Variants in SPMIP2 observed in about 807,000 individuals in gnomAD.
SPMIP2 encodes the protein sperm microtubule inner protein 2.
the SPMIP2 span, among the ~76,000 whole-genome samples, chr4:158,953,874 T>C: frequency 6.6e-6 from 1 of 152,244 alleles, no homozygotes; most frequent in Non-Finnish European, 1.5e-5. Context: ...CTCTTCGTTT[T>C]GGCCAATTTC....
the SPMIP2 span, among the ~76,000 whole-genome samples, chr4:159,054,891 A>G: frequency 1.5e-5 from 2 of 130,016 alleles, no homozygotes; most frequent in African/African-American, 5.8e-5. Flanking sequence ...CTCTGCTCCC[A>G]CTGGAGTCAG....
the SPMIP2 span, among the ~76,000 whole-genome samples, chr4:159,022,076 GGTGATA>G: frequency 6.6e-6 from 1 of 152,168 alleles, no homozygotes; most frequent in African/African-American, 2.4e-5. Context: ...AAAAGAGGGT[GGTGATA>G]GCTACTTAGC....
chr4:158,914,589 C>T, the SPMIP2 span, among the ~76,000 whole-genome samples: 2 of 152,146 alleles, frequency 1.3e-5, no homozygotes, highest in African/African-American at 4.8e-5. Context: ...AGACAGAAAG[C>T]TATTATTGGC....
At chr4:158,958,461 G>A in the SPMIP2 span, among the ~76,000 whole-genome samples, 1 of 152,166 alleles carries the variant, frequency 6.6e-6, no homozygotes, top group Non-Finnish European at 1.5e-5. Flanking sequence ...AAGCCATGTT[G>A]TTGCTTCAAT....
chr4:158,913,787 T>C, the SPMIP2 span, among the ~76,000 whole-genome samples: 1 of 151,472 alleles, frequency 6.6e-6, no homozygotes, highest in African/African-American at 2.4e-5. Flanking sequence ...GCACTATGGT[T>C]GTGCCCATGA....
At chr4:158,942,984 A>T in the SPMIP2 span, among the ~76,000 whole-genome samples, 1 of 152,220 alleles carries the variant, frequency 6.6e-6, no homozygotes, top group Non-Finnish European at 1.5e-5. Flanking sequence ...TTGATGGAAT[A>T]AAAAACATTA....
At chr4:158,953,499 C>G in the SPMIP2 span, among the ~76,000 whole-genome samples, 1 of 152,238 alleles carries the variant, frequency 6.6e-6, no homozygotes, top group Non-Finnish European at 1.5e-5. Context: ...TGGAGAAACT[C>G]TATTGGAGCA....
chr4:158,939,865 T>TA, the SPMIP2 span, among the ~76,000 whole-genome samples: 1 of 152,104 alleles, frequency 6.6e-6, no homozygotes, highest in African/African-American at 2.4e-5. Context: ...AAGGATCCTT[T>TA]ATTCTATAAA....
chr4:158,998,131 C>T, the SPMIP2 span, among the ~76,000 whole-genome samples: 1 of 152,188 alleles, frequency 6.6e-6, no homozygotes, highest in Non-Finnish European at 1.5e-5. Context: ...TCTAATAAAA[C>T]AGAATTTATG....
At chr4:159,007,602 A>C in the SPMIP2 span, 1 of 1,091,894 alleles carries the variant, frequency 9.2e-7, no homozygotes, top group Non-Finnish European at 1.4e-6. Context: ...TTTCCAGACA[A>C]CCATTTCCAA....
the SPMIP2 span, among the ~76,000 whole-genome samples, chr4:158,917,068 G>A: frequency 6.6e-6 from 1 of 152,144 alleles, no homozygotes; most frequent in African/African-American, 2.4e-5. Context: ...GGCCAACATG[G>A]CAAAACCCAG....
the SPMIP2 span, among the ~76,000 whole-genome samples, chr4:158,953,265 G>A: frequency 0.018 from 2,699 of 152,338 alleles, 78 homozygotes; most frequent in African/African-American, 0.06. Context: ...CTAGGGACTT[G>A]ATGCTCTGTG....
the SPMIP2 span, among the ~76,000 whole-genome samples, chr4:158,925,893 T>C: frequency 1.3e-5 from 2 of 152,204 alleles, no homozygotes; most frequent in Non-Finnish European, 2.9e-5. Context: ...ATTTAGTGTC[T>C]AGTAAAGACT....
chr4:158,915,049 G>T, the SPMIP2 span: 1 of 835,784 alleles, frequency 1.2e-6, no homozygotes, highest in Non-Finnish European at 1.8e-6. Context: ...AAAATGCTTC[G>T]ATAGGTTAAA....
At chr4:158,904,499 T>C in the SPMIP2 span, 502 of 1,613,406 alleles carry the variant, frequency 3.1e-4, 1 homozygote, top group African/African-American at 6.0e-3. Flanking sequence ...TGTTGACTGC[T>C]ATTGCCAGTA....
the SPMIP2 span, chr4:158,909,546 C>T: frequency 6.6e-6 from 1 of 151,202 alleles, no homozygotes; most frequent in African/African-American, 2.4e-5. Context: ...TCATTTAATC[C>T]TCACAATGGA....
chr4:159,011,588 C>T, the SPMIP2 span, among the ~76,000 whole-genome samples: 3 of 151,218 alleles, frequency 2.0e-5, no homozygotes, highest in East Asian at 5.8e-4. Context: ...CCTGTCTCTA[C>T]TGAAAATACA....
chr4:159,012,233 A>T, the SPMIP2 span, among the ~76,000 whole-genome samples: 1 of 152,176 alleles, frequency 6.6e-6, no homozygotes, highest in Admixed American at 6.6e-5. Context: ...GTGAGACCCT[A>T]GCTCTATTAA....
the SPMIP2 span, among the ~76,000 whole-genome samples, chr4:158,939,912 G>A: frequency 1.3e-5 from 2 of 152,210 alleles, no homozygotes; most frequent in African/African-American, 4.8e-5. Flanking sequence ...ACATCTCCAC[G>A]ATGTCATTTA....
Sources: allele counts gnomAD v4.1 joint callset (sites outside exome capture counted in the v4.1 genomes callset), GRCh38; gene constraint gnomAD v4.1.1; transcripts MANE v1.5; gene names NCBI Gene and HGNC (gene_info 2026-07-23, HGNC 2026-07-21).